PPEF1: variants seen among roughly 807,000 people sequenced by gnomAD.
PPEF1 encodes the protein serine/threonine-protein phosphatase with EF-hands 1.
In PPEF1, 12 loss-of-function variants were observed where a neutral mutation model predicts 53.3. The observed-to-expected ratio is 0.23, with a 90% CI of 0.14 to 0.36. The LOEUF is 0.36. Ranked by LOEUF, PPEF1 falls within the 10% of genes least tolerant of loss-of-function variation. The pLI, the probability that PPEF1 is intolerant of heterozygous loss-of-function variation, is 1.00. For synonymous variants in PPEF1, 165 were observed against 176.7 expected (o/e 0.93, Z 0.52); for missense variants, 334 against 490.4 (o/e 0.68, Z 3.01).
Position 18,761,510 on chromosome X carries a change from A to AT in PPEF1, c.512-15dup. 1 of 1,198,905 alleles carries AT rather than the reference A, an allele frequency of 8.3e-7. No individual in the cohort carries two copies. The highest frequency in any genetic ancestry group is 3.0e-5 in the East Asian group (1 of 33,775). Reference sequence around the variant, plus strand: ...GCATCTTGTTCTCTACTGAATACTGATTTTTCATTTGCACTGCAGGTGATT... The same window carrying AT: ...GCATCTTGTTCTCTACTGAATACTGATTTTTTCATTTGCACTGCAGGTGATT... On this transcript the variant is annotated intron_variant, in intron 5 of 15. Coordinates refer to ENST00000470157, the MANE Select transcript of PPEF1 (RefSeq NM_001377996.1).
chrX:18,745,141 T>TA (rs1189315192), intron 3 of PPEF1, among the ~76,000 whole-genome samples: 2 of 94,453 alleles, frequency 2.1e-5, no homozygotes, highest in African/African-American at 3.9e-5. Flanking sequence ...AATTATATTA[T>TA]ATATATTATA....
intron 4 of PPEF1, among the ~76,000 whole-genome samples, chrX:18,692,002 GTC>G (rs1396744420): frequency 5.4e-5 from 6 of 111,580 alleles, no homozygotes; most frequent in Non-Finnish European, 1.1e-4. Flanking sequence ...TCTCTTTAAT[GTC>G]TCTATTCCCC....
intron 6 of PPEF1, among the ~76,000 whole-genome samples, chrX:18,701,964 T>C (rs1399066941): frequency 3.6e-5 from 4 of 111,968 alleles, no homozygotes. Flanking sequence ...TCCCTTTTCT[T>C]ATCCTCTCAT....
intron 11 of PPEF1, 117 bp from the exon 12 acceptor site, chrX:18,806,286 G>T: frequency 1.3e-6 from 1 of 774,962 alleles, no homozygotes; most frequent in Non-Finnish European, 1.9e-6. Context: ...ATGATTTGCA[G>T]GGTTTATGAA....
chrX:18,687,400 A>G (rs1361097176), intron 3 of PPEF1, among the ~76,000 whole-genome samples: 2 of 111,632 alleles, frequency 1.8e-5, no homozygotes, highest in African/African-American at 6.5e-5. Flanking sequence ...GCCTCGTTTT[A>G]TAGTTGAAGC....
upstream of PPEF1, among the ~76,000 whole-genome samples, chrX:18,706,803 G>A (rs1224287229): frequency 1.9e-5 from 2 of 105,047 alleles, no homozygotes; most frequent in Non-Finnish European, 3.9e-5. Flanking sequence ...AATTTGGGGG[G>A]AGGTTTCAAA....
At chrX:18,708,703 A>C (rs1222408406) in intron 1 of PPEF1, among the ~76,000 whole-genome samples, 2 of 111,711 alleles carry the variant, frequency 1.8e-5, no homozygotes, top group East Asian at 5.6e-4. Flanking sequence ...TTACTTTGGG[A>C]ATCAAATGTT....
At chrX:18,728,984 A>G (rs902395942) in intron 1 of PPEF1, among the ~76,000 whole-genome samples, 6 of 112,014 alleles carry the variant, frequency 5.4e-5, no homozygotes, top group African/African-American at 1.6e-4. Context: ...AAATCTCATT[A>G]CCTCTTACCT....
At chrX:18,768,446 G>A (rs1310520711) in intron 6 of PPEF1, among the ~76,000 whole-genome samples, 2 of 112,336 alleles carry the variant, frequency 1.8e-5, no homozygotes, top group East Asian at 5.6e-4. Flanking sequence ...GCCAACTAAG[G>A]GCACAGCCTG....
chrX:18,810,459 A>G (rs1414918884), intron 12 of PPEF1, among the ~76,000 whole-genome samples: 1 of 111,018 alleles, frequency 9.0e-6, no homozygotes, highest in Non-Finnish European at 1.9e-5. Context: ...AACTATCACC[A>G]TTATCTAACT....
At position 18,809,016 on chromosome X, in the gene PPEF1, C is replaced by A. The variant is rs184822606; in HGVS notation, c.1394+2471C>A. ...ATATGGTAACAAACCAAGTGTCTAT[C>A]AAGACAGAAAAAGAAAGTGTGACTG... On this transcript the variant is annotated intron_variant, in intron 12 of 15. Transcript: ENST00000470157. 1.7e-4 allele frequency among the ~76,000 whole-genome samples: 19 copies of A among 110,292 alleles called. No individual in the cohort carries two copies. In the East Asian group the frequency reaches 4.6e-3, roughly 26 times the overall value.
At chrX:18,780,509 C>T (rs763576137) in intron 7 of PPEF1, among the ~76,000 whole-genome samples, 15 of 111,933 alleles carry the variant, frequency 1.3e-4, no homozygotes, top group African/African-American at 4.5e-4. Context: ...GGACGGACTT[C>T]CAAGAACAAC....
chrX:18,681,057 A>G (rs1222906520), upstream of PPEF1, among the ~76,000 whole-genome samples: 2 of 111,328 alleles, frequency 1.8e-5, no homozygotes, highest in African/African-American at 3.3e-5. Flanking sequence ...TGCTATTGTG[A>G]ATAGTGCCAC....
At chrX:18,689,605 C>T (rs1298439686) in intron 3 of PPEF1, among the ~76,000 whole-genome samples, 1 of 109,937 alleles carries the variant, frequency 9.1e-6, no homozygotes, top group Non-Finnish European at 1.9e-5. Context: ...TGCAGCTTCA[C>T]AGCCCCACCC....
chrX:18,767,880 G>C (rs949307649), intron 6 of PPEF1, among the ~76,000 whole-genome samples: 3 of 111,423 alleles, frequency 2.7e-5, no homozygotes, highest in East Asian at 5.7e-4. Context: ...ACACACGAAG[G>C]TTGCCTGCTC....
At chrX:18,755,522 G>C (rs942471440) in intron 4 of PPEF1, among the ~76,000 whole-genome samples, 3 of 112,081 alleles carry the variant, frequency 2.7e-5, no homozygotes, top group Non-Finnish European at 5.6e-5. Context: ...AGCCGAGATC[G>C]TGCCACCGCA....
intron 3 of PPEF1, among the ~76,000 whole-genome samples, chrX:18,737,317 G>T (rs1209264072): frequency 1.8e-5 from 2 of 111,788 alleles, no homozygotes. Flanking sequence ...AGAGATTCTG[G>T]TATGTTGTCT....
At chrX:18,715,798 C>T (rs1313927959) in intron 1 of PPEF1, among the ~76,000 whole-genome samples, 1 of 111,581 alleles carries the variant, frequency 9.0e-6, no homozygotes, top group African/African-American at 3.3e-5. Flanking sequence ...AGTTCATGGC[C>T]CTTCTGATAT....
chrX:18,688,654 G>C (rs1929196356), intron 3 of PPEF1: 1 of 112,124 alleles, frequency 8.9e-6, no homozygotes, highest in Non-Finnish European at 1.9e-5. Context: ...TTAGCTTTTG[G>C]CATTGCTTTA....
Sources: gnomAD v4.1 joint callset for allele counts (sites outside exome capture counted in the v4.1 genomes callset) on GRCh38, gnomAD v4.1.1 for gene constraint, MANE v1.5 for transcripts, NCBI Gene and HGNC (gene_info 2026-07-23, HGNC 2026-07-21) for gene names.